The following GEMIN5 variants were observed in gnomAD, a reference collection of about 807,000 sequenced individuals.
GEMIN5 encodes the protein gem nuclear organelle associated protein 5.
In GEMIN5, 124 loss-of-function variants were observed where a neutral mutation model predicts 176.9. That is an observed-to-expected ratio of 0.70 (90% confidence interval 0.61 to 0.81). The LOEUF is 0.81. Ranked by LOEUF, GEMIN5 falls within the 40% of genes least tolerant of loss-of-function variation. The pLI, the probability that GEMIN5 is intolerant of heterozygous loss-of-function variation, is 0.00. For missense variants in GEMIN5, 1,843 were observed against 1,814.6 expected (o/e 1.02, Z -0.28); for synonymous variants, 673 against 665.2 (o/e 1.01, Z -0.18).
intron 25 of GEMIN5, among the ~76,000 whole-genome samples, 166 bp downstream of exon 25, chr5:154,892,221 T>C (rs546678163): frequency 2.6e-5 from 4 of 152,348 alleles, no homozygotes; most frequent in Middle Eastern, 3.4e-3. Flanking sequence ...GGAAACAGTA[T>C]AGTTGTTCTT....
In GEMIN5 at chr5:154,925,864, C is replaced by T. The variant is rs769098929; in HGVS notation, c.1291G>A (p.Ala431Thr). ...AAGCTCAAAAAAAGAATCCTTACCGCTGTAACCTTGGACTTCACGCCTTGC... is the reference window on the plus strand; with the variant it reads ...AAGCTCAAAAAAAGAATCCTTACCGTTGTAACCTTGGACTTCACGCCTTGC... ...FWQGVKSKVT[A>T]LCWHPTKEGC... Residue 431 changes from alanine (A) to threonine (T), a missense_variant and splice_region_variant, in exon 8 of 28, where the codon GCG becomes ACG. Physicochemically the swap from Ala to Thr is moderately conservative, Grantham distance 58. Coordinates refer to ENST00000285873, the MANE Select transcript of GEMIN5 (RefSeq NM_015465.5). 6.9e-5 allele frequency: 109 copies of T among 1,588,328 alleles called. No homozygotes were observed. The highest frequency in any genetic ancestry group is 8.6e-5 in the Non-Finnish European group (100 of 1,157,206).
chr5:154,899,945 A>AG (rs1317172943), intron 21 of GEMIN5, among the ~76,000 whole-genome samples: 3 of 152,032 alleles, frequency 2.0e-5, no homozygotes, highest in African/African-American at 7.3e-5. Flanking sequence ...AAAAAAAAAA[A>AG]TGACTAACAT....
chr5:154,899,868 T>G (rs1763430009), intron 21 of GEMIN5, among the ~76,000 whole-genome samples: 1 of 152,018 alleles, frequency 6.6e-6, no homozygotes, highest in South Asian at 2.1e-4. Context: ...TGTCTCTAGG[T>G]AACACCTGTA....
Position 154,891,525 on chromosome 5 carries a change from C to CGAAA in GEMIN5, c.3977_3978insTTTC (p.Asp1327PhefsTer4). 6.2e-7 allele frequency: 1 copy of CGAAA among 1,614,098 alleles called. No homozygotes were observed. Among genetic ancestry groups the CGAAA allele is most frequent in the Non-Finnish European group, 8.5e-7 (1 of 1,180,020 alleles). ...GCTCTGGCTGAGAAGTTTCAGGGTC[C>CGAAA]GTTTCTTCAGTGCTGGCAGTGTCTA... On this transcript the variant is annotated frameshift_variant, in exon 26 of 28. Transcript: ENST00000285873. LOFTEE classifies it high-confidence loss of function.
intron 18 of GEMIN5, among the ~76,000 whole-genome samples, chr5:154,903,815 A>G (rs898271406): frequency 3.3e-5 from 5 of 151,240 alleles, no homozygotes; most frequent in Admixed American, 2.0e-4. Context: ...ATTTACTTTG[A>G]AAAAAAAATT....
Position 154,938,097 on chromosome 5 carries a change from TG to T in GEMIN5, c.36del (p.Asn13ThrfsTer45). ...TCGCTGCAGCGGGCGCAGTACCAGT[TG>T]GGGGAGGGCGGCAGCGTCCGCGGCT... ...GQEPRTLPPS[P>X]NWYCARCSDA... On this transcript the variant is annotated frameshift_variant, in exon 1 of 28. Coordinates refer to ENST00000285873, the MANE Select transcript of GEMIN5 (RefSeq NM_015465.5). LOFTEE classifies it high-confidence loss of function. 2.8e-6 allele frequency: 4 copies of T among 1,446,976 alleles called. No homozygotes were observed. Among genetic ancestry groups the T allele is most frequent in the Non-Finnish European group, 3.6e-6 (4 of 1,099,062 alleles). 89.6% of individuals were successfully genotyped at this position (1,446,976 alleles called of 1,614,324 possible).
intron 12 of GEMIN5, among the ~76,000 whole-genome samples, chr5:154,917,457 T>C (rs1172146702): frequency 6.6e-6 from 1 of 152,228 alleles, no homozygotes; most frequent in African/African-American, 2.4e-5. Context: ...ACTACCTCAG[T>C]GTAACAATCT....
At chr5:154,921,041 A>T (rs1244955143) in intron 10 of GEMIN5, among the ~76,000 whole-genome samples, 1 of 152,132 alleles carries the variant, frequency 6.6e-6, no homozygotes, top group African/African-American at 2.4e-5. Flanking sequence ...TTTAGTGAAG[A>T]ATATTAGACT....
chr5:154,927,518 G>T lies in GEMIN5; in HGVS notation c.947C>A (p.Ser316Tyr). The T allele has an allele frequency of 6.2e-7, 1 of 1,610,000 alleles. No homozygotes were observed. Among genetic ancestry groups the T allele is most frequent in the South Asian group, 1.1e-5 (1 of 90,912 alleles). Reference sequence around the variant, plus strand: ...GAAGAGGGTGTATTTCCGTCTCCAAGATTGAGTGAGATCCCATTGCAACAG... The same window carrying T: ...GAAGAGGGTGTATTTCCGTCTCCAATATTGAGTGAGATCCCATTGCAACAG... Reference protein sequence around the residue: ...GELLQWDLTQSWRRKYTLFSA... With the variant: ...GELLQWDLTQYWRRKYTLFSA... The change falls in exon 7 of 28, where the codon TCT becomes TAT. Residue 316 changes from serine to tyrosine, a missense_variant. Physicochemically the swap from Ser to Tyr is moderately radical, Grantham distance 144. Coordinates refer to ENST00000285873, the MANE Select transcript of GEMIN5 (RefSeq NM_015465.5).
intron 6 of GEMIN5, among the ~76,000 whole-genome samples, 174 bp downstream of exon 6, chr5:154,928,353 G>A (rs1218991342): frequency 6.6e-6 from 1 of 152,194 alleles, no homozygotes; most frequent in Non-Finnish European, 1.5e-5. Context: ...ATACTTATGT[G>A]ATCTTTTTAC....
chr5:154,934,877 G>C (rs1286584136), intron 3 of GEMIN5, among the ~76,000 whole-genome samples: 1 of 152,162 alleles, frequency 6.6e-6, no homozygotes, highest in Non-Finnish European at 1.5e-5. Context: ...TCAACCCCAT[G>C]ATGAACTTGA....
intron 13 of GEMIN5, among the ~76,000 whole-genome samples, chr5:154,913,726 T>G (rs1352888126): frequency 6.6e-6 from 1 of 151,562 alleles, no homozygotes; most frequent in Non-Finnish European, 1.5e-5. Context: ...CTGAGATGGG[T>G]GGACTGCTTG....
rs749130701 is a variant in GEMIN5, at chr5:154,902,516, GAACA to G, written c.2866+19_2866+22del. 190 of 1,612,126 alleles carry G rather than the reference GAACA, an allele frequency of 1.2e-4. No individual in the cohort carries two copies. Among genetic ancestry groups the G allele is most frequent in the African/African-American group, 9.4e-4 (70 of 74,840 alleles). On this transcript the variant is annotated intron_variant, in intron 20 of 27. Coordinates refer to ENST00000285873, the MANE Select transcript of GEMIN5 (RefSeq NM_015465.5). ...GAGATGATAGAGCTTTTGTTGAAAAGAACAAACAAACAAAAACCATACCTGCTGG... is the reference window on the plus strand; with the variant it reads ...GAGATGATAGAGCTTTTGTTGAAAAGAACAAACAAAAACCATACCTGCTGG...
chr5:154,896,330 A>G lies in GEMIN5; in HGVS notation c.3359T>C (p.Val1120Ala). 3 of 1,585,550 alleles carry G rather than the reference A, an allele frequency of 1.9e-6. No homozygotes were observed. Among genetic ancestry groups the G allele is most frequent in the Non-Finnish European group, 2.6e-6 (3 of 1,167,704 alleles). ...GGACAGTAGCTCCAGAAGGCAAAAC[A>G]CCAATCTCTGACCCTGGAACACGAC... ...LHESLQGQRL[V>A]FCLLELLSRH... Residue 1120 changes from valine to alanine, a missense_variant, in exon 24 of 28, where the codon GTG becomes GCG. Physicochemically the swap from Val to Ala is moderately conservative, Grantham distance 64 (BLOSUM62 0). Transcript: ENST00000285873.
intron 13 of GEMIN5, among the ~76,000 whole-genome samples, chr5:154,916,507 G>C (rs1452072488): frequency 6.6e-6 from 1 of 150,754 alleles, no homozygotes; most frequent in Non-Finnish European, 1.5e-5. Flanking sequence ...TTTCTTTTTT[G>C]AGATAGGGTG....
At chr5:154,934,221 T>C (rs1389342452) in intron 3 of GEMIN5, among the ~76,000 whole-genome samples, 1 of 151,948 alleles carries the variant, frequency 6.6e-6, no homozygotes, top group East Asian at 1.9e-4. Flanking sequence ...AGTTTCGCTC[T>C]TGTTGCCCAG....
At position 154,896,164 on chromosome 5, in the gene GEMIN5, C is replaced by T; in HGVS notation, c.3525G>A (p.Gln1175=). ...GCAGCTTCTGAAAGGCTTCCTGATACTGCTCAGGGGTGTCAAGGCTGAAGA... is the reference window on the plus strand; with the variant it reads ...GCAGCTTCTGAAAGGCTTCCTGATATTGCTCAGGGGTGTCAAGGCTGAAGA... ...KSIFSLDTPE[Q]YQEAFQKLQN... is the part of the protein sequence containing the mutation. The change falls in exon 24 of 28, where the codon CAG becomes CAA. Residue 1175 remains glutamine, a synonymous_variant. Coordinates refer to ENST00000285873, the MANE Select transcript of GEMIN5 (RefSeq NM_015465.5). 1 of 1,613,910 alleles carries T rather than the reference C, an allele frequency of 6.2e-7. No individual in the cohort carries two copies. Among genetic ancestry groups the T allele is most frequent in the Non-Finnish European group, 8.5e-7 (1 of 1,179,906 alleles).
intron 21 of GEMIN5, among the ~76,000 whole-genome samples, chr5:154,900,642 C>T (rs1271100289): frequency 1.3e-5 from 2 of 152,136 alleles, no homozygotes; most frequent in Non-Finnish European, 2.9e-5. Context: ...ATCTGAGGGG[C>T]AGGATACTAG....
chr5:154,924,546 C>T lies in GEMIN5; in HGVS notation c.1302G>A (p.Trp434Ter). The part of the protein sequence containing the change: ...GVKSKVTALC[W>*]HPTKEGCLAF... The stretch of plus-strand genomic sequence containing the variant: ...CTAAGCAACCTTCCTTGGTTGGGTG[C>T]CAGCACAGCTACAAAAAAAAGAGTT... The change falls in exon 9 of 28, where the codon TGG becomes TGA. Residue 434 changes from tryptophan (W) to a stop codon, truncating the protein, a stop_gained. Transcript: ENST00000285873. LOFTEE classifies it high-confidence loss of function. 1.2e-6 allele frequency: 2 copies of T among 1,606,942 alleles called. No individual in the cohort carries two copies. The highest frequency in any genetic ancestry group is 8.5e-7 in the Non-Finnish European group (1 of 1,174,136).
Sources: gnomAD v4.1 joint callset for allele counts (sites outside exome capture counted in the v4.1 genomes callset) on GRCh38, gnomAD v4.1.1 for gene constraint, MANE v1.5 for transcripts, NCBI Gene and HGNC (gene_info 2026-07-23, HGNC 2026-07-21) for gene names.